The following QSER1 variants were observed in gnomAD, a reference collection of about 807,000 sequenced individuals.
QSER1 encodes glutamine and serine-rich protein 1.
Under a neutral mutation model 158.5 loss-of-function variants are expected in QSER1, and 49 were observed. The ratio of observed to expected loss-of-function variants is 0.31; its 90% CI spans 0.25 to 0.39. The LOEUF (loss-of-function observed/expected upper bound fraction) is 0.39. Ranked by LOEUF, QSER1 falls within the 10% of genes least tolerant of loss-of-function variation. The pLI is 1.00. For synonymous variants in QSER1, 650 were observed against 715.5 expected (o/e 0.91, Z 1.46); for missense variants, 1,754 against 2,010.3 (o/e 0.87, Z 2.44).
chr11:32,965,286 A>AT (rs1028624202), intron 8 of QSER1, among the ~76,000 whole-genome samples: 7 of 150,406 alleles, frequency 4.7e-5, no homozygotes, highest in Non-Finnish European at 7.4e-5. Flanking sequence ...GCTAATTTAT[A>AT]TTTTTTTTAA....
At chr11:32,920,220 C>T (rs1243060735) in intron 1 of QSER1, among the ~76,000 whole-genome samples, 1 of 152,128 alleles carries the variant, frequency 6.6e-6, no homozygotes, top group Non-Finnish European at 1.5e-5. Context: ...AGAATGATTG[C>T]TATGATCATT....
At chr11:32,920,602 G>A (rs376616763) in intron 1 of QSER1, among the ~76,000 whole-genome samples, 10 of 152,262 alleles carry the variant, frequency 6.6e-5, no homozygotes, top group Admixed American at 2.0e-4. Context: ...GGAAAACAAT[G>A]TTAAAAATCA....
At chr11:32,960,726 GACAAGGTA>G (rs1852608572) in intron 8 of QSER1, among the ~76,000 whole-genome samples, 2 of 152,160 alleles carry the variant, frequency 1.3e-5, no homozygotes, top group Admixed American at 1.3e-4. Context: ...TTCTTCAAAT[GACAAGGTA>G]ACATTTTCTT....
chr11:32,942,893 T>A (rs1272091395), intron 4 of QSER1, among the ~76,000 whole-genome samples: 1 of 152,188 alleles, frequency 6.6e-6, no homozygotes, highest in Non-Finnish European at 1.5e-5. Context: ...TTTGTTTGTA[T>A]CCTCTTTTAT....
At chr11:32,972,659 C>G (rs1367062688) in intron 10 of QSER1, among the ~76,000 whole-genome samples, 2 of 152,174 alleles carry the variant, frequency 1.3e-5, no homozygotes, top group Middle Eastern at 3.4e-3. Context: ...TGGTCTCGAA[C>G]TCCTGGCCTC....
intron 1 of QSER1, among the ~76,000 whole-genome samples, chr11:32,919,298 T>C (rs1851872328): frequency 6.6e-6 from 1 of 152,136 alleles, no homozygotes; most frequent in South Asian, 2.1e-4. Flanking sequence ...TTTTTAAAAG[T>C]TTTTTAGAGA....
chr11:32,916,705 G>C (rs1851834944), intron 1 of QSER1, among the ~76,000 whole-genome samples: 1 of 151,910 alleles, frequency 6.6e-6, no homozygotes, highest in Non-Finnish European at 1.5e-5. Flanking sequence ...ACATGGAAAA[G>C]GTACAGTAAA....
chr11:32,923,446 G>T (rs557580545), intron 1 of QSER1, among the ~76,000 whole-genome samples: 79 of 152,118 alleles, frequency 5.2e-4, no homozygotes, highest in African/African-American at 1.8e-3. Flanking sequence ...GGCCGAAGTG[G>T]GCAGATCACC....
intron 1 of QSER1, among the ~76,000 whole-genome samples, chr11:32,912,592 C>T (rs1043786954): frequency 1.3e-5 from 2 of 152,016 alleles, no homozygotes; most frequent in African/African-American, 4.8e-5. Flanking sequence ...CCAGGCGATG[C>T]TGATGAGCAT....
intron 1 of QSER1, among the ~76,000 whole-genome samples, chr11:32,918,521 TAGG>T (rs1260936174): frequency 6.6e-6 from 1 of 150,984 alleles, no homozygotes; most frequent in East Asian, 1.9e-4. Flanking sequence ...GAGTAAAAAA[TAGG>T]AGCTAAAATC....
In QSER1 at chr11:32,934,762, T is replaced by A; in HGVS notation, c.3504T>A (p.Ala1168=). 6.2e-7 allele frequency: 1 copy of A among 1,614,042 alleles called. No homozygotes were observed. Among genetic ancestry groups the A allele is most frequent in the Non-Finnish European group, 8.5e-7 (1 of 1,179,990 alleles). The change falls in exon 4 of 13, where the codon GCT becomes GCA. Residue 1168 remains alanine (A), a synonymous_variant. Coordinates refer to ENST00000650167, the MANE Select transcript of QSER1 (RefSeq NM_001076786.3). ...GDDSGVSMNP[A]RSALALLAMA... ...ACAGTGGTGTGTCAATGAACCCAGC[T>A]AGGAGTGCACTTGCACTGTTGGCCA...
chr11:32,917,524 A>T (rs1278866220), intron 1 of QSER1, among the ~76,000 whole-genome samples: 1 of 152,110 alleles, frequency 6.6e-6, no homozygotes, highest in Non-Finnish European at 1.5e-5. Flanking sequence ...AACACAAGAT[A>T]CTAAAAAACC....
chr11:32,973,279 A>G, intron 10 of QSER1, 118 bp from the exon 11 acceptor site: 1 of 1,052,750 alleles, frequency 9.5e-7, no homozygotes, highest in Non-Finnish European at 1.4e-6. Flanking sequence ...TTGTGTGCAC[A>G]CACACCTCTC....
At chr11:32,936,432 A>C (rs1007962332) in intron 4 of QSER1, among the ~76,000 whole-genome samples, 1 of 152,174 alleles carries the variant, frequency 6.6e-6, no homozygotes, top group Admixed American at 6.6e-5. Context: ...AATCCAGTCT[A>C]TCATTGTTGG....
intron 1 of QSER1, among the ~76,000 whole-genome samples, chr11:32,904,189 CT>C (rs370789790): frequency 0.026 from 3,556 of 137,152 alleles, 89 homozygotes; most frequent in African/African-American, 0.081. Flanking sequence ...ATTTCTTTTT[CT>C]TTTTTTTTTT....
chr11:32,936,144 C>T (rs1590168906), intron 4 of QSER1, among the ~76,000 whole-genome samples: 1 of 151,900 alleles, frequency 6.6e-6, no homozygotes, highest in South Asian at 2.1e-4. Flanking sequence ...ACCCATAACT[C>T]GTTATTTAAC....
intron 4 of QSER1, among the ~76,000 whole-genome samples, chr11:32,950,716 TTC>T (rs887905949): frequency 1.3e-5 from 2 of 152,166 alleles, no homozygotes; most frequent in African/African-American, 4.8e-5. Flanking sequence ...CCACAAATCT[TTC>T]TCTCTCTGTA....
At position 32,953,055 on chromosome 11, in the gene QSER1, C is replaced by G. The variant is rs150396657; in HGVS notation, c.4178-802C>G. On this transcript the variant is annotated intron_variant, in intron 4 of 12. Transcript: ENST00000650167. ...TGACCTCGTGATCTGCCCGCCTTGGCCTCCCAAAGTGCTGGGATTACAGGT... is the reference window on the plus strand; with the variant it reads ...TGACCTCGTGATCTGCCCGCCTTGGGCTCCCAAAGTGCTGGGATTACAGGT... 1.3e-3 allele frequency among the ~76,000 whole-genome samples: 198 copies of G among 152,184 alleles called. 1 individual carries two copies. The highest frequency in any genetic ancestry group is 4.7e-3 in the African/African-American group (194 of 41,556).
At chr11:32,895,013 A>T (rs1851536909) in intron 1 of QSER1, among the ~76,000 whole-genome samples, 1 of 152,248 alleles carries the variant, frequency 6.6e-6, no homozygotes, top group South Asian at 2.1e-4. Flanking sequence ...TAAATGAAAA[A>T]TATTTATTAG....
Sources: allele counts gnomAD v4.1 joint callset (sites outside exome capture counted in the v4.1 genomes callset), GRCh38; gene constraint gnomAD v4.1.1; transcripts MANE v1.5; gene names NCBI Gene and HGNC (gene_info 2026-07-23, HGNC 2026-07-21).